Variants in ARHGAP22 observed in about 807,000 individuals in gnomAD.
ARHGAP22 encodes Rho GTPase activating protein 22.
A neutral mutation model predicts 59.1 loss-of-function variants in ARHGAP22; 48 were observed. That is an observed-to-expected ratio of 0.81 (90% CI 0.64 to 1.03). The LOEUF (loss-of-function observed/expected upper bound fraction) is 1.03. Among genes scored for constraint, ARHGAP22 ranks in the 50% least tolerant of loss-of-function variants. The pLI, the probability that ARHGAP22 is intolerant of heterozygous loss-of-function variation, is 0.00. For missense variants in ARHGAP22, 1,015 were observed against 958.7 expected (o/e 1.06, Z -0.78); for synonymous variants, 445 against 416.4 (o/e 1.07, Z -0.84).
At chr10:48,480,522 T>C (rs564030693) in intron 3 of ARHGAP22, among the ~76,000 whole-genome samples, 2 of 152,222 alleles carry the variant, frequency 1.3e-5, no homozygotes, top group Non-Finnish European at 2.9e-5. Flanking sequence ...ATCCCTGGAC[T>C]ATCTGCCAGT....
At chr10:48,546,524 C>T (rs1435961328) in intron 3 of ARHGAP22, 1 of 157,556 alleles carries the variant, frequency 6.3e-6, no homozygotes, top group African/African-American at 2.4e-5. Flanking sequence ...GGCACAGATT[C>T]CATCCAATTC....
chr10:48,606,586 C>T (rs1382946015), upstream of ARHGAP22, among the ~76,000 whole-genome samples: 1 of 152,182 alleles, frequency 6.6e-6, no homozygotes, highest in African/African-American at 2.4e-5. Context: ...ACATACAGCG[C>T]CTGCTCCTGT....
At chr10:48,597,102 T>C (rs1306868282) in intron 1 of ARHGAP22, among the ~76,000 whole-genome samples, 6 of 152,160 alleles carry the variant, frequency 3.9e-5, no homozygotes. Context: ...TTGACTTCCA[T>C]CCCTTATGCT....
intron 3 of ARHGAP22, among the ~76,000 whole-genome samples, chr10:48,529,089 A>G (rs7918009): frequency 0.87 from 132,028 of 151,836 alleles, 58,026 homozygotes; most frequent in Non-Finnish European, 0.91. Context: ...TACTTGGGTC[A>G]GGGGAGTCAC....
At chr10:48,537,539 T>C (rs1590026879) in intron 3 of ARHGAP22, among the ~76,000 whole-genome samples, 2 of 152,314 alleles carry the variant, frequency 1.3e-5, no homozygotes, top group East Asian at 3.9e-4. Flanking sequence ...GGTTCTCATG[T>C]TTATTGAGCA....
chr10:48,625,068 T>G (rs964725498), intron 1 of ARHGAP22: 1 of 151,912 alleles, frequency 6.6e-6, no homozygotes, highest in African/African-American at 2.4e-5. Context: ...GAGACCTGAG[T>G]GTAAATCCTT....
chr10:48,436,294 C>T, the ARHGAP22 span: 6 of 152,140 alleles, frequency 3.9e-5, no homozygotes, highest in Non-Finnish European at 8.8e-5. Context: ...CAACATAACA[C>T]GCAATGTGGA....
chr10:48,481,095 C>T (rs1236207229), intron 3 of ARHGAP22, among the ~76,000 whole-genome samples: 3 of 152,238 alleles, frequency 2.0e-5, no homozygotes, highest in Non-Finnish European at 4.4e-5. Context: ...AAGCCCTGCT[C>T]GCCGGGGCTC....
At chr10:48,549,415 G>C (rs2056722804) in intron 3 of ARHGAP22, among the ~76,000 whole-genome samples, 1 of 152,208 alleles carries the variant, frequency 6.6e-6, no homozygotes, top group Non-Finnish European at 1.5e-5. Context: ...GTGTCTGTCT[G>C]AGGCGGGACC....
At chr10:48,431,259 C>T in the ARHGAP22 span, 1 of 1,610,302 alleles carries the variant, frequency 6.2e-7, no homozygotes, top group Non-Finnish European at 8.5e-7. Context: ...CGGGGGCAGC[C>T]CTCTCCTTTA....
Position 48,555,563 on chromosome 10 carries a change from C to A in ARHGAP22, c.235-13G>T. The A allele has an allele frequency of 6.2e-7, 1 of 1,610,212 alleles. No individual in the cohort carries two copies. On this transcript the variant is annotated splice_polypyrimidine_tract_variant and intron_variant, in intron 2 of 9. Transcript: ENST00000249601. ...GAGAAATAAATCCCTAAAAAGGAGG[C>A]AAACACAAACACAGGGAGCATGAGA...
At position 48,577,812 on chromosome 10, in the gene ARHGAP22, T is replaced by G. The variant is rs1217871997; in HGVS notation, c.234+5141A>C. 2.0e-4 allele frequency among the ~76,000 whole-genome samples: 20 copies of G among 98,390 alleles called. 1 individual carries two copies. The highest frequency in any genetic ancestry group is 5.4e-4 in the East Asian group (1 of 1,856). 64.5% of individuals were successfully genotyped at this position (98,390 alleles called of 152,430 possible). ...ACTGCTCTTTTTTGGTTTTTTTTTTTTTTTTTTTTTTTTTTTTGGAGACAG... is the reference window on the plus strand; with the variant it reads ...ACTGCTCTTTTTTGGTTTTTTTTTTGTTTTTTTTTTTTTTTTTGGAGACAG... On this transcript the variant is annotated intron_variant, in intron 2 of 9. Transcript: ENST00000249601.
intron 4 of ARHGAP22, among the ~76,000 whole-genome samples, chr10:48,475,659 T>A (rs1363310961): frequency 1.3e-5 from 2 of 152,174 alleles, no homozygotes; most frequent in African/African-American, 4.8e-5. Context: ...TCAGAATAAA[T>A]CAAGAATTCA....
intron 2 of ARHGAP22, among the ~76,000 whole-genome samples, chr10:48,568,061 A>G (rs928010833): frequency 6.6e-5 from 10 of 152,204 alleles, no homozygotes; most frequent in African/African-American, 2.4e-4. Context: ...CATGGATTGG[A>G]TGTTGGGAAG....
chr10:48,613,590 A>G (rs866511406), intron 1 of ARHGAP22, among the ~76,000 whole-genome samples: 26 of 152,154 alleles, frequency 1.7e-4, no homozygotes, highest in African/African-American at 5.8e-4. Context: ...AGAAGTTTAG[A>G]AGAGAATTGG....
chr10:48,563,291 T>G (rs2057823836), intron 2 of ARHGAP22, among the ~76,000 whole-genome samples: 1 of 148,596 alleles, frequency 6.7e-6, no homozygotes, highest in Non-Finnish European at 1.5e-5. Flanking sequence ...CCTCCTGGGT[T>G]CATGCCATTC....
intron 3 of ARHGAP22, among the ~76,000 whole-genome samples, chr10:48,549,550 G>T (rs1055604913): frequency 6.6e-6 from 1 of 152,106 alleles, no homozygotes; most frequent in Non-Finnish European, 1.5e-5. Flanking sequence ...CAATTATCTG[G>T]GGTGGGAGAG....
intron 3 of ARHGAP22, among the ~76,000 whole-genome samples, chr10:48,553,344 T>C (rs1163328699): frequency 6.6e-6 from 1 of 152,260 alleles, no homozygotes; most frequent in Non-Finnish European, 1.5e-5. Context: ...GCAGGCAGGC[T>C]ACTGCTGCTG....
chr10:48,539,132 A>G (rs2055660035), intron 3 of ARHGAP22, among the ~76,000 whole-genome samples: 1 of 152,166 alleles, frequency 6.6e-6, no homozygotes, highest in South Asian at 2.1e-4. Flanking sequence ...GCCGGAAAAA[A>G]TGGGCACAAA....
Sources: allele counts gnomAD v4.1 joint callset (sites outside exome capture counted in the v4.1 genomes callset), GRCh38; gene constraint gnomAD v4.1.1; transcripts MANE v1.5; gene names NCBI Gene and HGNC (gene_info 2026-07-23, HGNC 2026-07-21).